MRPS25: variants seen among roughly 807,000 people sequenced by gnomAD.
MRPS25 encodes small ribosomal subunit protein mS25.
MRPS25 carries 15 observed loss-of-function variants against 17.3 expected under a neutral mutation model. The ratio of observed to expected loss-of-function variants is 0.87; its 90% CI spans 0.58 to 1.34. The LOEUF is 1.34. MRPS25 is among the 40% of genes most tolerant of loss of function. The pLI, the probability that MRPS25 is intolerant of heterozygous loss-of-function variation, is 0.00. For synonymous variants in MRPS25, 94 were observed against 83.3 expected, an observed-to-expected ratio of 1.13 and a Z score of -0.70; for missense variants, 225 against 218.6, an observed-to-expected ratio of 1.03 and a Z score of -0.19.
intron 1 of MRPS25, 95 bp downstream of exon 1, chr3:15,064,965 GA>G: frequency 6.8e-7 from 1 of 1,471,372 alleles, no homozygotes; most frequent in Non-Finnish European, 9.1e-7. Flanking sequence ...CCCCGGGGAT[GA>G]ACGGCCGCCC....
At position 15,052,477 on chromosome 3, in the gene MRPS25, C is replaced by T. The variant is rs546428327; in HGVS notation, c.486G>A (p.Lys162=). The stretch of plus-strand genomic sequence containing the variant: ...CATCGGCTTTCAGAGCGGCTTTGTA[C>T]TTCCCCCTCATCTCCTTGGGTAATG... ...LVPLPKEMRG[K]YKAALKADAQ... Residue 162 remains lysine (K), a synonymous_variant, in exon 4 of 4, where the codon AAG becomes AAA. Transcript: ENST00000253686. 3 of 1,614,208 alleles carry T rather than the reference C, an allele frequency of 1.9e-6. No homozygotes were observed. Among genetic ancestry groups the T allele is most frequent in the African/African-American group, 2.7e-5 (2 of 75,074 alleles).
At chr3:15,047,367 C>G (rs1382024148), downstream of MRPS25, 1 of 152,212 alleles carries the variant, frequency 6.6e-6, no homozygotes, top group Non-Finnish European at 1.5e-5. Flanking sequence ...CGTATATTCT[C>G]TAGGTTCGGA....
rs546153454 is a variant in MRPS25 at position 15,061,387 on chromosome 3, C to T, written c.135-1912G>A. 2.4e-4 allele frequency among the ~76,000 whole-genome samples: 37 copies of T among 152,340 alleles called. No homozygotes were observed. The East Asian group carries it at 6.6e-3, about 27-fold the overall frequency. ...CGCGCTGCCACGCCTGACTGGTTTT[C>T]GTATTTTTTTGGTGGAGACGGGGTT... is the stretch of plus-strand genomic sequence containing the variant. On this transcript the variant is annotated intron_variant, in intron 1 of 3. Transcript: ENST00000253686.
rs184361322 is a variant in MRPS25, at chr3:15,051,947, G to A, written c.*494C>T. The A allele has an allele frequency of 3.4e-5, 34 of 986,022 alleles. No homozygotes were observed. In the African/African-American group the frequency reaches 5.7e-4, roughly 17 times the overall value. 61.1% of individuals were successfully genotyped at this position (986,022 alleles called of 1,614,324 possible). A position where few individuals can be genotyped will look rare whatever the true frequency, so the allele number is the denominator to read the frequency against. On this transcript the variant is annotated 3_prime_UTR_variant, in exon 4 of 4. Transcript: ENST00000253686. ...GAGCACTGCACGAAGGGTTGCCTTTGGATTTCTGAAAAATACCCCCAAGGA... is the reference window on the plus strand; with the variant it reads ...GAGCACTGCACGAAGGGTTGCCTTTAGATTTCTGAAAAATACCCCCAAGGA...
intron 2 of MRPS25, 130 bp downstream of exon 2, chr3:15,059,239 A>G: frequency 1.5e-6 from 1 of 673,668 alleles, no homozygotes; most frequent in Non-Finnish European, 2.6e-6. Flanking sequence ...GGGAAGCCAA[A>G]GGTGCCAGGA....
Position 15,062,609 on chromosome 3 carries a change from A to G in MRPS25, c.134+2452T>C, listed in dbSNP as rs1487781510. ...GAGAACGGGCCATGATGACAATGGC[A>G]GTTTTGTGGAATAGAAAGGGGGGAA... is the stretch of plus-strand genomic sequence containing the variant. On this transcript the variant is annotated intron_variant, in intron 1 of 3. Transcript: ENST00000253686. Among the ~76,000 whole-genome samples, 15 of 152,224 alleles carry G rather than the reference A, an allele frequency of 9.9e-5. No homozygotes were observed. In the South Asian group the frequency reaches 1.2e-3, roughly 13 times the overall value.
At chr3:15,042,594 G>C (rs1163325895), downstream of MRPS25, 1 of 383,382 alleles carries the variant, frequency 2.6e-6, no homozygotes, top group Non-Finnish European at 4.7e-6. Flanking sequence ...GGGGTGAGGA[G>C]AGTTGGAATA....
Position 15,065,103 on chromosome 3 carries a change from G to A in MRPS25, c.92C>T (p.Thr31Ile), listed in dbSNP as rs2042836224. The A allele has an allele frequency of 1.2e-6, 2 of 1,608,640 alleles. No individual in the cohort carries two copies. The highest frequency in any genetic ancestry group is 1.7e-6 in the Non-Finnish European group (2 of 1,177,906). Residue 31 changes from threonine to isoleucine, a missense_variant, in exon 1 of 4, where the codon ACA (threonine) becomes ATA (isoleucine). Coordinates refer to ENST00000253686, the MANE Select transcript of MRPS25 (RefSeq NM_022497.5). ...CTCCCCATGCGTGTTGTAATTCACT[G>A]TCATGACCTTCACGGAGTCCTTGAA... ...VVFKDSVKVM[T>I]VNYNTHGELG...
chr3:15,065,198 G>A lies in MRPS25; in HGVS notation c.-4C>T. 3.8e-6 allele frequency: 6 copies of A among 1,590,380 alleles called. No individual in the cohort carries two copies. The highest frequency in any genetic ancestry group is 5.1e-6 in the Non-Finnish European group (6 of 1,169,938). On this transcript the variant is annotated 5_prime_UTR_variant, in exon 1 of 4. Transcript: ENST00000253686. Reference sequence around the variant, plus strand: ...GGAAGCGGCCCTTCATGGGCATGGCGGCAACGGTGGCGGGGCCGACCCCAC... The same window carrying A: ...GGAAGCGGCCCTTCATGGGCATGGCAGCAACGGTGGCGGGGCCGACCCCAC...
At chr3:15,063,045 T>C (rs1193585979) in intron 1 of MRPS25, among the ~76,000 whole-genome samples, 1 of 148,328 alleles carries the variant, frequency 6.7e-6, no homozygotes, top group Non-Finnish European at 1.5e-5. Flanking sequence ...GAATGATCAA[T>C]TGAAAAAAAA....
chr3:15,061,810 C>T (rs1378001122), intron 1 of MRPS25, among the ~76,000 whole-genome samples: 19 of 148,886 alleles, frequency 1.3e-4, no homozygotes, highest in East Asian at 2.0e-4. Context: ...ATGTGAGGAG[C>T]GCCTCTGCCC....
intron 2 of MRPS25, among the ~76,000 whole-genome samples, chr3:15,056,294 G>C (rs142786595): frequency 6.6e-6 from 1 of 152,214 alleles, no homozygotes; most frequent in East Asian, 1.9e-4. Flanking sequence ...GATACTTGGG[G>C]GAAATGCATA....
At chr3:15,058,275 C>T (rs536809638) in intron 2 of MRPS25, among the ~76,000 whole-genome samples, 45 of 152,142 alleles carry the variant, frequency 3.0e-4, no homozygotes, top group African/African-American at 1.1e-3. Context: ...CTGCAAGCTC[C>T]GCCTCCCAGG....
At chr3:15,053,645 G>A (rs2042636446) in intron 2 of MRPS25, 178 bp from the exon 3 acceptor site, 8 of 729,198 alleles carry the variant, frequency 1.1e-5, no homozygotes, top group Non-Finnish European at 1.7e-5. Flanking sequence ...TTAGACCTGA[G>A]CAAGCATAAA....
At chr3:15,056,201 C>A (rs112601879) in intron 2 of MRPS25, among the ~76,000 whole-genome samples, 5 of 149,592 alleles carry the variant, frequency 3.3e-5, no homozygotes, top group African/African-American at 9.9e-5. Flanking sequence ...GGCGACAGAG[C>A]GAGACTCTGT....
chr3:15,061,553 T>C (rs1227067548), intron 1 of MRPS25, among the ~76,000 whole-genome samples: 1 of 152,194 alleles, frequency 6.6e-6, no homozygotes, highest in Non-Finnish European at 1.5e-5. Context: ...AGTGGCATGA[T>C]CTCGGCTCGC....
chr3:15,046,394 C>G (rs889625256), downstream of MRPS25: 1 of 152,246 alleles, frequency 6.6e-6, no homozygotes, highest in Non-Finnish European at 1.5e-5. Flanking sequence ...CCACGCTACA[C>G]ACATACTTAT....
chr3:15,046,690 A>C (rs1410675375), downstream of MRPS25: 1 of 152,474 alleles, frequency 6.6e-6, no homozygotes, highest in African/African-American at 2.4e-5. Context: ...CATAGGTAAC[A>C]TTTTAACTCT....
At chr3:15,047,474 A>G (rs2042497238), downstream of MRPS25, 1 of 152,264 alleles carries the variant, frequency 6.6e-6, no homozygotes, top group Non-Finnish European at 1.5e-5. Context: ...CCTACCTGGA[A>G]GGAACTTGGC....
Sources: allele counts gnomAD v4.1 joint callset (sites outside exome capture counted in the v4.1 genomes callset), GRCh38; gene constraint gnomAD v4.1.1; transcripts MANE v1.5; gene names NCBI Gene and HGNC (gene_info 2026-07-23, HGNC 2026-07-21).